The following TNKS1BP1 variants were observed in gnomAD, a reference collection of about 807,000 sequenced individuals.
TNKS1BP1 encodes 182 kDa tankyrase-1-binding protein.
A neutral mutation model predicts 141.1 loss-of-function variants in TNKS1BP1; 48 were observed. That is an observed-to-expected ratio of 0.34 (90% CI 0.27 to 0.43). TNKS1BP1 has a LOEUF of 0.43. TNKS1BP1 is among the 20% of genes least tolerant of loss of function. The probability of loss-of-function intolerance (pLI) is 1.00; values close to 1 mark genes in which losing one functional copy is unlikely to be tolerated. For missense variants in TNKS1BP1, 2,149 were observed against 2,226.0 expected, an observed-to-expected ratio of 0.97 and a Z score of 0.70; for synonymous variants, 875 against 898.2, an observed-to-expected ratio of 0.97 and a Z score of 0.46.
At position 57,308,596 on chromosome 11, in the gene TNKS1BP1, T is replaced by C. The variant is rs1855650549; in HGVS notation, c.4115A>G (p.Gln1372Arg). 1.2e-6 allele frequency: 2 copies of C among 1,613,908 alleles called. No homozygotes were observed. The highest frequency in any genetic ancestry group is 1.7e-6 in the Non-Finnish European group (2 of 1,179,982). The stretch of plus-strand genomic sequence containing the variant: ...GTGCCTCAGGCCGGGCTCTGGGCAC[T>C]GGCTCACCCCGCCCACCCCATGCTC... Reference protein sequence around the residue: ...AREHGVGGVSQCPEPGLRHNG... With the variant: ...AREHGVGGVSRCPEPGLRHNG... Residue 1372 changes from glutamine to arginine, a missense_variant, in exon 6 of 12, where the codon CAG becomes CGG. By Grantham distance (43) the Gln-to-Arg change is conservative. Coordinates refer to ENST00000358252, the MANE Select transcript of TNKS1BP1 (RefSeq NM_033396.3).
chr11:57,310,163 C>T lies in TNKS1BP1; in HGVS notation c.2548G>A (p.Asp850Asn). Reference protein sequence around the residue: ...DVQDWEFRKRDSQGTYSSRDA... With the variant: ...DVQDWEFRKRNSQGTYSSRDA... The stretch of plus-strand genomic sequence containing the variant: ...CGGCTGGAGTAAGTGCCCTGGGAAT[C>T]CCTCTTTCTGAACTCCCAGTCCTGA... Residue 850 changes from aspartate to asparagine, a missense_variant, in exon 6 of 12, where the codon GAT (aspartate) becomes AAT (asparagine). Coordinates refer to ENST00000358252, the MANE Select transcript of TNKS1BP1 (RefSeq NM_033396.3). 4 of 1,614,230 alleles carry T rather than the reference C, an allele frequency of 2.5e-6. No individual in the cohort carries two copies. In the East Asian group the frequency reaches 8.9e-5, roughly 36 times the overall value.
At position 57,308,912 on chromosome 11, in the gene TNKS1BP1, C is replaced by T; in HGVS notation, c.3799G>A (p.Glu1267Lys). 6.2e-7 allele frequency: 1 copy of T among 1,613,982 alleles called. No homozygotes were observed. Among genetic ancestry groups the T allele is most frequent in the Non-Finnish European group, 8.5e-7 (1 of 1,180,034 alleles). Reference protein sequence around the residue: ...QTDWSGVEAGEFLKSRERGVG... With the variant: ...QTDWSGVEAGKFLKSRERGVG... ...CCACGCTCCCTTGATTTAAGGAACT[C>T]TCCGGCCTCCACACCTGACCAGTCA... Residue 1267 changes from glutamate (E) to lysine (K), a missense_variant, in exon 6 of 12, where the codon GAG becomes AAG. Glu to Lys is a moderately conservative substitution (Grantham distance 56). Coordinates refer to ENST00000358252, the MANE Select transcript of TNKS1BP1 (RefSeq NM_033396.3).
chr11:57,300,983 G>C lies in TNKS1BP1; in HGVS notation c.5030C>G (p.Ser1677Trp), dbSNP rs751295349. The change falls in exon 10 of 12, where the codon TCG becomes TGG. Residue 1677 changes from serine to tryptophan, a missense_variant. Ser to Trp is a radical substitution (Grantham distance 177). Coordinates refer to ENST00000358252, the MANE Select transcript of TNKS1BP1 (RefSeq NM_033396.3). ...CTGGACCGCGGACTCCTTCTGGCTC[G>C]ACTTGCTCTCAGCCAGCTCTCCCTC... ...AEEGELAESKSSQKESAVQRS... is the reference protein window; with the variant it reads ...AEEGELAESKWSQKESAVQRS... 3 of 1,613,976 alleles carry C rather than the reference G, an allele frequency of 1.9e-6. No individual in the cohort carries two copies. Among genetic ancestry groups the C allele is most frequent in the Non-Finnish European group, 2.5e-6 (3 of 1,179,980 alleles).
chr11:57,308,853 C>T lies in TNKS1BP1; in HGVS notation c.3858G>A (p.Gly1286=). Residue 1286 remains glycine (G), a synonymous_variant, in exon 6 of 12, where the codon GGG becomes GGA. Transcript: ENST00000358252. ...VGQADWTPDL[G]LRNMAPGAVC... ...CTGCCCCTGGGGCCATGTTTCTCAG[C>T]CCAAGGTCAGGTGTCCAGTCTGCCT... The T allele has an allele frequency of 6.2e-7, 1 of 1,614,088 alleles. No individual in the cohort carries two copies. The highest frequency in any genetic ancestry group is 8.5e-7 in the Non-Finnish European group (1 of 1,180,036).
chr11:57,317,564 T>C (rs571135050), intron 4 of TNKS1BP1, among the ~76,000 whole-genome samples: 2 of 152,370 alleles, frequency 1.3e-5, no homozygotes, highest in South Asian at 2.1e-4. Context: ...ACTTAATCAA[T>C]GGCAGTTGTT....
Position 57,313,438 on chromosome 11 carries a change from T to A in TNKS1BP1, c.1250A>T (p.His417Leu). Reference protein sequence around the residue: ...GGEEEAKGDAHLRPTSLVQRR... With the variant: ...GGEEEAKGDALLRPTSLVQRR... ...CTGAACCAGGCTGGTGGGGCGGAGG[T>A]GTGCGTCACCCTTGGCCTCCTCCTC... The change falls in exon 5 of 12, where the codon CAC (histidine) becomes CTC (leucine). Residue 417 changes from histidine to leucine, a missense_variant. Physicochemically the swap from His to Leu is moderately conservative, Grantham distance 99. Coordinates refer to ENST00000358252, the MANE Select transcript of TNKS1BP1 (RefSeq NM_033396.3). 1.2e-6 allele frequency: 2 copies of A among 1,606,922 alleles called. No homozygotes were observed. Among genetic ancestry groups the A allele is most frequent in the African/African-American group, 2.7e-5 (2 of 74,814 alleles).
At position 57,313,161 on chromosome 11, in the gene TNKS1BP1, A is replaced by G; in HGVS notation, c.1527T>C (p.Ala509=). The part of the protein sequence containing the change: ...PITEASEAAE[A]AEAGNLAVSS... The stretch of plus-strand genomic sequence containing the variant: ...AAACGGCCAAGTTGCCAGCCTCAGC[A>G]GCCTCGGCGGCCTCACTGGCTTCAG... The change falls in exon 5 of 12, where the codon GCT becomes GCC. Residue 509 remains alanine (A), a synonymous_variant. Coordinates refer to ENST00000358252, the MANE Select transcript of TNKS1BP1 (RefSeq NM_033396.3). The G allele has an allele frequency of 6.2e-7, 1 of 1,612,980 alleles. No individual in the cohort carries two copies. The highest frequency in any genetic ancestry group is 1.1e-5 in the South Asian group (1 of 91,080).
rs1340380006 is a variant in TNKS1BP1 at position 57,317,736 on chromosome 11, C to T, written c.798+82G>A. 2.2e-6 allele frequency: 3 copies of T among 1,394,644 alleles called. No homozygotes were observed. The Admixed American group carries it at 5.6e-5, about 26-fold the overall frequency. The allele number at this position is 1,394,644 out of a possible 1,614,324, so 86.4% of individuals were successfully genotyped here. A position where few individuals can be genotyped will look rare whatever the true frequency, so the allele number is the denominator to read the frequency against. The stretch of plus-strand genomic sequence containing the variant: ...GGCCTCAGTTTCCCCATCTGAACTA[C>T]AAGGAGTAGAAAAGATGATCTCATA... On this transcript the variant is annotated intron_variant, in intron 4 of 11. Transcript: ENST00000358252.
At chr11:57,319,724 A>G (rs996091888) in intron 3 of TNKS1BP1, among the ~76,000 whole-genome samples, 5 of 145,076 alleles carry the variant, frequency 3.4e-5, no homozygotes, top group Admixed American at 2.2e-4. Flanking sequence ...CCGAGATCGC[A>G]CCACTGCACT....
Position 57,302,902 on chromosome 11 carries a change from CT to C in TNKS1BP1, c.4317-78del. ...GCCCTGAAGCCTACTTCACAAGCTCCTTCCCCCAGCCCCCAAACTCTCCCTT... is the reference window on the plus strand; with the variant it reads ...GCCCTGAAGCCTACTTCACAAGCTCCTCCCCCAGCCCCCAAACTCTCCCTT... On this transcript the variant is annotated intron_variant, in intron 6 of 11. Coordinates refer to ENST00000358252, the MANE Select transcript of TNKS1BP1 (RefSeq NM_033396.3). The surrounding 1 kb of genome is among the most constrained non-coding windows in gnomAD (Gnocchi z 5.5). 7.0e-7 allele frequency: 1 copy of C among 1,418,486 alleles called. No homozygotes were observed. Among genetic ancestry groups the C allele is most frequent in the Non-Finnish European group, 9.2e-7 (1 of 1,083,674 alleles). 87.9% of individuals were successfully genotyped at this position (1,418,486 alleles called of 1,614,324 possible). A position where few individuals can be genotyped will look rare whatever the true frequency, so the allele number is the denominator to read the frequency against.
intron 6 of TNKS1BP1, 184 bp from the exon 7 acceptor site, chr11:57,303,009 G>T (rs1319091028): frequency 9.1e-6 from 6 of 662,360 alleles, no homozygotes; most frequent in Middle Eastern, 2.6e-4. Context: ...GAAGAGCTGA[G>T]CCAGTCTGGC....
rs1855754897 is a variant in TNKS1BP1, at chr11:57,313,716, T to G, written c.972A>C (p.Glu324Asp). 6 of 1,591,742 alleles carry G rather than the reference T, an allele frequency of 3.8e-6. No individual in the cohort carries two copies. The highest frequency in any genetic ancestry group is 5.1e-6 in the Non-Finnish European group (6 of 1,169,366). The change falls in exon 5 of 12, where the codon GAA (glutamate) becomes GAC (aspartate). Residue 324 changes from glutamate to aspartate, a missense_variant. Coordinates refer to ENST00000358252, the MANE Select transcript of TNKS1BP1 (RefSeq NM_033396.3). ...HSQLLEAQTP[E>D]ASQASPCPAV... ...CGGGGCAGGGAGAAGCCTGGGAAGCTTCAGGAGTCTGGGCTTCCAGAAGCT... is the reference window on the plus strand; with the variant it reads ...CGGGGCAGGGAGAAGCCTGGGAAGCGTCAGGAGTCTGGGCTTCCAGAAGCT...
chr11:57,309,747 G>A lies in TNKS1BP1; in HGVS notation c.2964C>T (p.Pro988=), dbSNP rs372175343. 35 of 1,614,150 alleles carry A rather than the reference G, an allele frequency of 2.2e-5. No homozygotes were observed. The highest frequency in any genetic ancestry group is 1.6e-4 in the Middle Eastern group (1 of 6,062). ...CCTCATCCTGTTGCTGGGCTTCCTC[G>A]GGGCTGAACCCAGAGCTCAGGGGTC... is the stretch of plus-strand genomic sequence containing the variant. ...GTRPLSSGFS[P]EEAQQQDEEF... The change falls in exon 6 of 12, where the codon CCC becomes CCT. Residue 988 remains proline, a synonymous_variant. Transcript: ENST00000358252. The surrounding 1 kb of genome is among the most constrained non-coding windows in gnomAD (Gnocchi z 4.3).
chr11:57,320,411 G>A lies in TNKS1BP1; in HGVS notation c.396C>T (p.Pro132=). 6.2e-7 allele frequency: 1 copy of A among 1,610,700 alleles called. No homozygotes were observed. The change falls in exon 3 of 12, where the codon CCC becomes CCT. Residue 132 remains proline, a synonymous_variant. Transcript: ENST00000358252. ...AGKEEPPPLT[P]PARCAAPGGV... ...CCCCTGGGGCTGCACATCGAGCTGG[G>A]GGTGTCAAAGGGGGTGGCTCCTCTT...
chr11:57,324,784 C>A, intron 1 of TNKS1BP1, 56 bp downstream of exon 1: 1 of 985,438 alleles, frequency 1.0e-6, no homozygotes, highest in South Asian at 4.5e-5. Context: ...ATGCCCCTCC[C>A]CCGCCCCATC....
In TNKS1BP1 at chr11:57,309,706, ATCT is replaced by A. The variant is rs747117006; in HGVS notation, c.3002_3004del (p.Lys1001del). On this transcript the variant is annotated inframe_deletion, in exon 6 of 12. Coordinates refer to ENST00000358252, the MANE Select transcript of TNKS1BP1 (RefSeq NM_033396.3). The surrounding 1 kb of genome is among the most constrained non-coding windows in gnomAD (Gnocchi z 4.3). The stretch of plus-strand genomic sequence containing the variant: ...TCCAAGGCTGTCTTCCACACTTGGA[ATCT>A]TCTTCTCAAATTCCTCATCCTGTTG... 153 of 1,614,148 alleles carry A rather than the reference ATCT, an allele frequency of 9.5e-5. No homozygotes were observed. In the East Asian group the frequency reaches 1.7e-3, roughly 18 times the overall value.
At chr11:57,317,456 C>T (rs1855815243) in intron 4 of TNKS1BP1, among the ~76,000 whole-genome samples, 1 of 152,240 alleles carries the variant, frequency 6.6e-6, no homozygotes, top group South Asian at 2.1e-4. Context: ...TACAGGTGCT[C>T]TCATCTCTCA....
intron 8 of TNKS1BP1, 42 bp from the exon 9 acceptor site, chr11:57,301,985 C>T: frequency 6.2e-7 from 1 of 1,609,910 alleles, no homozygotes; most frequent in South Asian, 1.1e-5. Flanking sequence ...GGCAGCACAC[C>T]CAGACTCCCC....
At chr11:57,303,722 A>G (rs1229104409) in intron 6 of TNKS1BP1, among the ~76,000 whole-genome samples, 3 of 152,196 alleles carry the variant, frequency 2.0e-5, no homozygotes, top group Admixed American at 6.5e-5. Context: ...TCCATGCAGC[A>G]TATGCATCTT....
Sources: gnomAD v4.1 joint callset for allele counts (sites outside exome capture counted in the v4.1 genomes callset) on GRCh38, gnomAD v4.1.1 for gene constraint, Gnocchi (gnomAD v3.1) non-coding constraint, MANE v1.5 for transcripts, NCBI Gene and HGNC (gene_info 2026-07-23, HGNC 2026-07-21) for gene names.